NFX1: variants seen among roughly 807,000 people sequenced by gnomAD.
NFX1 encodes transcriptional repressor NF-X1.
NFX1 carries 69 observed loss-of-function variants against 137.2 expected under a neutral mutation model. The observed-to-expected ratio is 0.50, with a 90% CI of 0.41 to 0.61. The LOEUF (loss-of-function observed/expected upper bound fraction) is 0.61. Ranked by LOEUF, NFX1 falls within the 20% of genes least tolerant of loss-of-function variation. NFX1 has a pLI of 0.00. For synonymous variants in NFX1, 495 were observed against 474.1 expected, an observed-to-expected ratio of 1.04 and a Z score of -0.57; for missense variants, 1,167 against 1,391.0, an observed-to-expected ratio of 0.84 and a Z score of 2.56.
At chr9:33,366,486 T>G (rs545420158) in intron 21 of NFX1, 143 bp from the exon 22 acceptor site, 3 of 927,410 alleles carry the variant, frequency 3.2e-6, no homozygotes, top group South Asian at 3.4e-5. Context: ...CAGGCTTGCT[T>G]GGCAGTTAGT....
In NFX1 at chr9:33,352,657, G is replaced by A; in HGVS notation, c.2667G>A (p.Gln889=). 1 of 1,614,184 alleles carries A rather than the reference G, an allele frequency of 6.2e-7. No individual in the cohort carries two copies. The highest frequency in any genetic ancestry group is 8.5e-7 in the Non-Finnish European group (1 of 1,179,982). ...TCATCTGACTTCAGGTAGAGCTACAGTGTGAATGTGGACGAAGAAAAGAGA... is the reference window on the plus strand; with the variant it reads ...TCATCTGACTTCAGGTAGAGCTACAATGTGAATGTGGACGAAGAAAAGAGA... The part of the protein sequence containing the change: ...VTACKAKVEL[Q]CECGRRKEMV... Residue 889 remains glutamine, a synonymous_variant, in exon 17 of 24, where the codon CAG becomes CAA. Transcript: ENST00000379540.
chr9:33,292,278 C>T (rs774279256), intron 1 of NFX1, among the ~76,000 whole-genome samples: 2 of 152,172 alleles, frequency 1.3e-5, no homozygotes, highest in Non-Finnish European at 2.9e-5. Context: ...AGTTCCCATT[C>T]CATGTTCGTA....
intron 16 of NFX1, chr9:33,352,348 G>A (rs1252821691): frequency 5.8e-6 from 3 of 515,298 alleles, no homozygotes; most frequent in Non-Finnish European, 1.1e-5. Context: ...CCACAGTTGG[G>A]CCTAGGGCAA....
chr9:33,298,160 A>G (rs1473111390), intron 2 of NFX1, among the ~76,000 whole-genome samples: 1 of 152,238 alleles, frequency 6.6e-6, no homozygotes, highest in East Asian at 1.9e-4. Context: ...AAAAAGAAAT[A>G]TTAAGAAGGT....
chr9:33,339,226 A>G (rs1026026935), intron 12 of NFX1, among the ~76,000 whole-genome samples: 1 of 152,142 alleles, frequency 6.6e-6, no homozygotes, highest in African/African-American at 2.4e-5. Context: ...AGACTAGGGA[A>G]GTTACAAAAG....
intron 13 of NFX1, 118 bp downstream of exon 13, chr9:33,342,972 T>C: frequency 1.5e-6 from 1 of 686,434 alleles, no homozygotes; most frequent in Non-Finnish European, 2.4e-6. Context: ...CCTTCGTATT[T>C]CCAATATGTT....
chr9:33,366,881 G>C, intron 22 of NFX1, 107 bp downstream of exon 22: 2 of 1,352,944 alleles, frequency 1.5e-6, no homozygotes, highest in Non-Finnish European at 2.0e-6. Context: ...CTCCCTCTTG[G>C]AAAAGTAGAA....
intron 9 of NFX1, 35 bp downstream of exon 9, chr9:33,319,162 T>G (rs771852347): frequency 4.4e-6 from 7 of 1,580,486 alleles, no homozygotes; most frequent in Non-Finnish European, 6.1e-6. Flanking sequence ...TTTAAAAATA[T>G]TATTGTAAAT....
At chr9:33,300,071 T>A (rs1821497243) in intron 2 of NFX1, among the ~76,000 whole-genome samples, 1 of 140,476 alleles carries the variant, frequency 7.1e-6, no homozygotes, top group African/African-American at 2.7e-5. Context: ...TAGCATTTTT[T>A]TTTTTTTTTT....
At chr9:33,301,625 T>C (rs1173119606) in intron 3 of NFX1, among the ~76,000 whole-genome samples, 1 of 152,224 alleles carries the variant, frequency 6.6e-6, no homozygotes, top group African/African-American at 2.4e-5. Context: ...TATTAAAATA[T>C]ATTTTAAGAT....
intron 5 of NFX1, among the ~76,000 whole-genome samples, chr9:33,309,645 A>G (rs1446060428): frequency 6.6e-6 from 1 of 152,152 alleles, no homozygotes; most frequent in East Asian, 1.9e-4. Context: ...CAAAAGTGAC[A>G]GAGACAGGGT....
At chr9:33,355,616 A>G (rs1036317308) in intron 19 of NFX1, among the ~76,000 whole-genome samples, 1 of 144,368 alleles carries the variant, frequency 6.9e-6, no homozygotes, top group Non-Finnish European at 1.5e-5. Context: ...CTGTTAGACT[A>G]TTACAAATAA....
intron 9 of NFX1, among the ~76,000 whole-genome samples, chr9:33,323,763 A>C (rs577321902): frequency 1.4e-3 from 210 of 151,324 alleles, no homozygotes; most frequent in African/African-American, 4.8e-3. Context: ...AAAAAAAAAA[A>C]CAAACAAAAA....
chr9:33,360,636 C>T lies in NFX1; in HGVS notation c.2874-3374C>T, dbSNP rs371743619. On this transcript the variant is annotated intron_variant, in intron 19 of 23. Transcript: ENST00000379540. ...CTATATATACACACACATATATACA[C>T]GCATACACCTGTGTGTATATATATG... 7.2e-5 allele frequency among the ~76,000 whole-genome samples: 11 copies of T among 152,158 alleles called. No homozygotes were observed. The East Asian group carries it at 7.7e-4, about 11-fold the overall frequency.
intron 7 of NFX1, 28 bp from the exon 8 acceptor site, chr9:33,318,703 G>GT: frequency 6.3e-7 from 1 of 1,594,542 alleles, no homozygotes; most frequent in Non-Finnish European, 8.6e-7. Context: ...TGTTACTAAC[G>GT]TTTTGTTTTT....
chr9:33,318,532 C>T (rs776074926), intron 7 of NFX1, among the ~76,000 whole-genome samples, 199 bp from the exon 8 acceptor site: 5 of 152,144 alleles, frequency 3.3e-5, no homozygotes, highest in African/African-American at 4.8e-5. Flanking sequence ...TGGTAAAGCT[C>T]TTAGGCGGGT....
At chr9:33,336,000 T>C (rs1031335470) in intron 11 of NFX1, among the ~76,000 whole-genome samples, 1 of 152,218 alleles carries the variant, frequency 6.6e-6, no homozygotes, top group African/African-American at 2.4e-5. Context: ...TGAACATTTG[T>C]ATACAAGTTT....
At chr9:33,345,945 C>G (rs543207898) in intron 14 of NFX1, among the ~76,000 whole-genome samples, 74 of 152,296 alleles carry the variant, frequency 4.9e-4, no homozygotes, top group African/African-American at 1.7e-3. Context: ...TTACCAAATA[C>G]CAGAGGCAAA....
intron 2 of NFX1, among the ~76,000 whole-genome samples, chr9:33,295,803 A>G (rs1245053485): frequency 6.6e-6 from 1 of 152,212 alleles, no homozygotes; most frequent in African/African-American, 2.4e-5. Context: ...TTCATCCTGC[A>G]TCATCTAATC....
Sources: gnomAD v4.1 joint callset for allele counts (sites outside exome capture counted in the v4.1 genomes callset) on GRCh38, gnomAD v4.1.1 for gene constraint, MANE v1.5 for transcripts, NCBI Gene and HGNC (gene_info 2026-07-23, HGNC 2026-07-21) for gene names.